EYS: variants seen among roughly 807,000 people sequenced by gnomAD.
The protein encoded by EYS is protein eyes shut homolog.
EYS carries 250 observed loss-of-function variants against 282.1 expected under a neutral mutation model. The ratio of observed to expected loss-of-function variants is 0.89; its 90% CI spans 0.80 to 0.98. EYS has a LOEUF of 0.98. EYS is among the 50% of genes least tolerant of loss of function. The pLI is 0.00. For synonymous variants in EYS, 1,355 were observed against 1,282.9 expected, an observed-to-expected ratio of 1.06 and a Z score of -1.20; for missense variants, 4,016 against 3,709.0, an observed-to-expected ratio of 1.08 and a Z score of -2.15.
At chr6:65,220,722 G>A (rs1241882905) in intron 12 of EYS, among the ~76,000 whole-genome samples, 1 of 152,148 alleles carries the variant, frequency 6.6e-6, no homozygotes, top group African/African-American at 2.4e-5. Flanking sequence ...ACATGCAGAG[G>A]TTGGAACAGT....
At chr6:64,437,649 T>A (rs1163290231) in intron 27 of EYS, among the ~76,000 whole-genome samples, 1 of 151,558 alleles carries the variant, frequency 6.6e-6, no homozygotes, top group East Asian at 1.9e-4. Context: ...GTGAAGTAAA[T>A]ATTATAAATG....
chr6:64,699,821 G>T (rs1048668955), intron 22 of EYS, among the ~76,000 whole-genome samples: 1 of 152,008 alleles, frequency 6.6e-6, no homozygotes, highest in Non-Finnish European at 1.5e-5. Flanking sequence ...TCGAAGAGAA[G>T]GGAATCCTCC....
At chr6:65,036,918 T>G (rs933313971) in intron 13 of EYS, among the ~76,000 whole-genome samples, 1 of 151,896 alleles carries the variant, frequency 6.6e-6, no homozygotes, top group Admixed American at 6.6e-5. Flanking sequence ...TCAAAGAACT[T>G]AAAACAGAAT....
chr6:65,554,076 A>G (rs1007503174), intron 2 of EYS, among the ~76,000 whole-genome samples: 3 of 152,104 alleles, frequency 2.0e-5, no homozygotes, highest in African/African-American at 7.2e-5. Flanking sequence ...TTTGCCATGT[A>G]AGGATATGAG....
At chr6:65,625,340 T>C (rs1449825186) in intron 2 of EYS, among the ~76,000 whole-genome samples, 1 of 152,122 alleles carries the variant, frequency 6.6e-6, no homozygotes, top group Non-Finnish European at 1.5e-5. Context: ...CTCTTGAAAC[T>C]GTGAGATAAT....
intron 41 of EYS, among the ~76,000 whole-genome samples, chr6:63,754,088 A>AATTTT (rs1769415220): frequency 6.6e-6 from 1 of 152,154 alleles, no homozygotes; most frequent in African/African-American, 2.4e-5. Context: ...TTTTCCCTGA[A>AATTTT]CTTTTATCTA....
intron 13 of EYS, among the ~76,000 whole-genome samples, chr6:65,026,548 G>C (rs554803055): frequency 6.6e-6 from 1 of 152,236 alleles, no homozygotes; most frequent in African/African-American, 2.4e-5. Flanking sequence ...GCCTTCCTGT[G>C]TCAGAAGGTG....
intron 33 of EYS, among the ~76,000 whole-genome samples, chr6:64,019,433 C>G (rs1289843797): frequency 7.1e-6 from 1 of 140,284 alleles, no homozygotes; most frequent in Admixed American, 7.1e-5. Flanking sequence ...TTTTTTTAAA[C>G]GGAGTCTCGC....
chr6:65,008,297 A>G (rs533666772), intron 13 of EYS, among the ~76,000 whole-genome samples: 1 of 152,184 alleles, frequency 6.6e-6, no homozygotes, highest in South Asian at 2.1e-4. Flanking sequence ...AGGCCAACTA[A>G]TCTTAAAGGA....
intron 1 of EYS, among the ~76,000 whole-genome samples, chr6:65,643,211 C>G (rs1244912814): frequency 6.6e-6 from 1 of 152,142 alleles, no homozygotes; most frequent in East Asian, 1.9e-4. Flanking sequence ...GTAAGACTGG[C>G]CTTTAGGACT....
At chr6:65,272,222 A>G (rs1196719827) in intron 12 of EYS, among the ~76,000 whole-genome samples, 4 of 152,166 alleles carry the variant, frequency 2.6e-5, no homozygotes, top group Non-Finnish European at 5.9e-5. Context: ...GGAGTACCCA[A>G]TGGTGACTAT....
intron 26 of EYS, among the ~76,000 whole-genome samples, chr6:64,541,873 G>C (rs1306689129): frequency 6.6e-6 from 1 of 152,086 alleles, no homozygotes; most frequent in Non-Finnish European, 1.5e-5. Flanking sequence ...ATTATCTAGA[G>C]AACTATCTTG....
rs398123574 is a variant in EYS, at chr6:64,945,865, T to G, written c.2309A>C (p.Gln770Pro). 5.5e-4 allele frequency: 859 copies of G among 1,549,424 alleles called. 5 individuals carry two copies. In the South Asian group the frequency reaches 6.3e-3, roughly 11 times the overall value. Residue 770 changes from glutamine (Q) to proline (P), a missense_variant, in exon 15 of 43, where the codon CAA becomes CCA. By Grantham distance (76) the Gln-to-Pro change is moderately conservative (BLOSUM62 -1). Coordinates refer to ENST00000503581, the MANE Select transcript of EYS (RefSeq NM_001142800.2). Reference sequence around the variant, plus strand: ...ATTCATTTTACACTCATTGGATTCTTGTTCACAAAAATTTCCTTCCCAATC... The same window carrying G: ...ATTCATTTTACACTCATTGGATTCTGGTTCACAAAAATTTCCTTCCCAATC... ...LSDWEGNFCE[Q>P]ESNECKMNPC...
intron 12 of EYS, among the ~76,000 whole-genome samples, chr6:65,281,690 T>C (rs540891566): frequency 6.6e-6 from 1 of 152,224 alleles, no homozygotes; most frequent in South Asian, 2.1e-4. Flanking sequence ...AGAAAAACCA[T>C]ATATTTCTAC....
intron 8 of EYS, among the ~76,000 whole-genome samples, chr6:65,371,681 G>C (rs1337779307): frequency 6.7e-6 from 1 of 149,360 alleles, no homozygotes; most frequent in African/African-American, 2.5e-5. Flanking sequence ...AATTATGTGA[G>C]CCTTCAAATT....
chr6:65,591,333 CT>C lies in EYS; in HGVS notation c.-333+48444del, dbSNP rs1394416080. Among the ~76,000 whole-genome samples, 3 of 150,336 alleles carry C rather than the reference CT, an allele frequency of 2.0e-5. No homozygotes were observed. The East Asian group carries it at 5.8e-4, about 29-fold the overall frequency. On this transcript the variant is annotated intron_variant, in intron 2 of 42. Transcript: ENST00000503581. ...CCCCCCTCAGCCTCCCAAGTAGCTA[CT>C]TACTATATACTTAATCTGTGTGTGT...
At position 64,296,596 on chromosome 6, in the gene EYS, ATATTTTTT is replaced by A. The variant is rs1769032918; in HGVS notation, c.6191+10366_6191+10373del. ...TATATATATATATACATATATATAT[ATATTTTTT>A]TTTTTTTTTTTTTTTTTTTTGAGAC... is the stretch of plus-strand genomic sequence containing the variant. On this transcript the variant is annotated intron_variant, in intron 30 of 42. Transcript: ENST00000503581. Among the ~76,000 whole-genome samples the A allele has an allele frequency of 3.1e-3, 19 of 6,152 alleles. 1 individual carries two copies. The highest frequency in any genetic ancestry group is 0.01 in the East Asian group (2 of 200). 4.0% of individuals were successfully genotyped at this position (6,152 alleles called of 152,430 possible).
intron 21 of EYS, among the ~76,000 whole-genome samples, chr6:64,814,854 A>G (rs1252745975): frequency 1.3e-5 from 2 of 152,018 alleles, no homozygotes; most frequent in Admixed American, 1.3e-4. Flanking sequence ...AACATAAAAT[A>G]CTTCTTCAGC....
chr6:65,056,263 T>C (rs764711161), intron 13 of EYS, among the ~76,000 whole-genome samples: 3 of 147,740 alleles, frequency 2.0e-5, no homozygotes, highest in Non-Finnish European at 4.5e-5. Flanking sequence ...TACAATATTA[T>C]TCATGCTATA....
Sources: gnomAD v4.1 joint callset for allele counts (sites outside exome capture counted in the v4.1 genomes callset) on GRCh38, gnomAD v4.1.1 for gene constraint, MANE v1.5 for transcripts, NCBI Gene and HGNC (gene_info 2026-07-23, HGNC 2026-07-21) for gene names.